ZNF98: variants seen among roughly 807,000 people sequenced by gnomAD.
ZNF98 encodes zinc finger protein 98, also known as zinc finger protein 739.
ZNF98 carries 8 observed loss-of-function variants against 12.8 expected under a neutral mutation model. The observed-to-expected ratio is 0.63, with a 90% confidence interval of 0.37 to 1.13. ZNF98 has a LOEUF of 1.13. ZNF98 is among the 50% of genes most tolerant of loss of function. The pLI, the probability that ZNF98 is intolerant of heterozygous loss-of-function variation, is 0.01. For synonymous variants in ZNF98, 112 were observed against 223.5 expected (o/e 0.50, Z 4.45); for missense variants, 379 against 666.1 (o/e 0.57, Z 4.74).
chr19:22,397,126 A>C (rs2145109467), intron 3 of ZNF98, among the ~76,000 whole-genome samples: 1 of 57,584 alleles, frequency 1.7e-5, no homozygotes, highest in African/African-American at 3.4e-5. Context: ...CTCAAAAAAA[A>C]ACAACAAAAA....
chr19:22,407,079 C>T (rs949674178), intron 1 of ZNF98, among the ~76,000 whole-genome samples: 1 of 151,204 alleles, frequency 6.6e-6, no homozygotes, highest in African/African-American at 2.4e-5. Context: ...ACCAGTTAGA[C>T]AGAGTCTCAC....
intron 1 of ZNF98, among the ~76,000 whole-genome samples, chr19:22,418,392 A>G (rs1371629023): frequency 6.6e-6 from 1 of 152,242 alleles, no homozygotes; most frequent in African/African-American, 2.4e-5. Context: ...AAGAAAAAAA[A>G]TGGGGAAAGA....
intron 3 of ZNF98, among the ~76,000 whole-genome samples, chr19:22,396,809 CA>C (rs1217194723): frequency 6.6e-6 from 1 of 152,004 alleles, no homozygotes; most frequent in South Asian, 2.1e-4. Context: ...TCCAAGGAGA[CA>C]AAAAAGGACA....
At chr19:22,418,303 C>T (rs1025860846) in intron 1 of ZNF98, among the ~76,000 whole-genome samples, 1 of 151,884 alleles carries the variant, frequency 6.6e-6, no homozygotes, top group Non-Finnish European at 1.5e-5. Flanking sequence ...CAGAACTCAG[C>T]AAAACACTGT....
At chr19:22,393,943 A>C (rs1030906668) in intron 3 of ZNF98, among the ~76,000 whole-genome samples, 3 of 151,694 alleles carry the variant, frequency 2.0e-5, no homozygotes, top group Non-Finnish European at 2.9e-5. Context: ...CCATCTGACA[A>C]AGGGCAAACA....
chr19:22,394,742 T>C (rs1969370675), intron 3 of ZNF98, among the ~76,000 whole-genome samples: 2 of 152,054 alleles, frequency 1.3e-5, no homozygotes, highest in African/African-American at 2.4e-5. Context: ...TGTATACCTA[T>C]GTAACATAAC....
In ZNF98 at chr19:22,408,529, T is replaced by A. The variant is rs138802399; in HGVS notation, c.31-5017A>T. ...TCTCTGTTTGCAGATGACATTATTC[T>A]ATATTTAGAAAATTCTGTCATCTCA... On this transcript the variant is annotated intron_variant, in intron 1 of 3. Transcript: ENST00000357774. Among the ~76,000 whole-genome samples the A allele has an allele frequency of 1.9e-3, 283 of 152,324 alleles. 1 individual carries two copies. The highest frequency in any genetic ancestry group is 6.5e-3 in the African/African-American group (272 of 41,558).
At chr19:22,393,732 C>T (rs11673476) in intron 3 of ZNF98, among the ~76,000 whole-genome samples, 1 of 152,024 alleles carries the variant, frequency 6.6e-6, no homozygotes, top group Non-Finnish European at 1.5e-5. Flanking sequence ...CATAAAAACC[C>T]TAGAGGAAAA....
chr19:22,415,927 T>C (rs1167178950), intron 1 of ZNF98, among the ~76,000 whole-genome samples: 70 of 109,788 alleles, frequency 6.4e-4, no homozygotes, highest in Non-Finnish European at 1.1e-3. Flanking sequence ...ACCCCGTTCC[T>C]ACTTAAAAAA....
At chr19:22,422,064 T>C (rs1969710473) in intron 1 of ZNF98, 131 bp downstream of exon 1, 2 of 1,194,002 alleles carry the variant, frequency 1.7e-6, no homozygotes, top group African/African-American at 1.5e-5. Flanking sequence ...GAGGCCGAGC[T>C]AGGCAAGGAG....
chr19:22,408,780 TAA>T (rs1194829073), intron 1 of ZNF98, among the ~76,000 whole-genome samples: 1 of 152,132 alleles, frequency 6.6e-6, no homozygotes, highest in African/African-American at 2.4e-5. Context: ...CTCAAGGAAG[TAA>T]GAGAGCACAC....
At chr19:22,417,570 T>G (rs1281628803) in intron 1 of ZNF98, among the ~76,000 whole-genome samples, 1 of 152,062 alleles carries the variant, frequency 6.6e-6, no homozygotes, top group East Asian at 1.9e-4. Flanking sequence ...AGAGGTATAC[T>G]CTGATGGATT....
chr19:22,392,984 G>C lies in ZNF98; in HGVS notation c.254-3C>G, dbSNP rs764719943. 1 of 1,489,224 alleles carries C rather than the reference G, an allele frequency of 6.7e-7. No individual in the cohort carries two copies. Among genetic ancestry groups the C allele is most frequent in the East Asian group, 2.3e-5 (1 of 43,174 alleles). 92.3% of individuals were successfully genotyped at this position (1,489,224 alleles called of 1,614,324 possible). A position where few individuals can be genotyped will look rare whatever the true frequency, so the allele number is the denominator to read the frequency against. On this transcript the variant is annotated splice_region_variant and splice_polypyrimidine_tract_variant and intron_variant, in intron 3 of 3. Transcript: ENST00000357774. ...TTGGGCAAAATAAGAATATACAACT[G>C]AAAGAAATAAAAATAATAAATTACT...
chr19:22,394,293 C>T (rs1273183273), intron 3 of ZNF98, among the ~76,000 whole-genome samples: 3 of 149,764 alleles, frequency 2.0e-5, no homozygotes, highest in African/African-American at 7.4e-5. Flanking sequence ...CCTCAAGGAT[C>T]TAGAACTAGA....
chr19:22,416,461 T>G (rs1400170194), intron 1 of ZNF98, among the ~76,000 whole-genome samples: 2 of 147,220 alleles, frequency 1.4e-5, no homozygotes, highest in Admixed American at 1.4e-4. Context: ...AGAGCAAGAC[T>G]CCGTCTCAAC....
chr19:22,391,712 T>C lies in ZNF98; in HGVS notation c.1523A>G (p.His508Arg), dbSNP rs1969324550. ...TTTCTCTCCAGTATGAATCATCTTATGTGTAGTAAGGTGTGAGGACTGGTT... is the reference window on the plus strand; with the variant it reads ...TTTCTCTCCAGTATGAATCATCTTACGTGTAGTAAGGTGTGAGGACTGGTT... ...AFNQSSHLTT[H>R]KMIHTGEKPY... The change falls in exon 4 of 4, where the codon CAT (histidine) becomes CGT (arginine). Residue 508 changes from histidine (H) to arginine (R), a missense_variant. Transcript: ENST00000357774. 6.2e-7 allele frequency: 1 copy of C among 1,613,990 alleles called. No homozygotes were observed. Among genetic ancestry groups the C allele is most frequent in the South Asian group, 1.1e-5 (1 of 91,080 alleles).
At chr19:22,413,327 G>C (rs1033838562) in intron 1 of ZNF98, among the ~76,000 whole-genome samples, 1 of 152,058 alleles carries the variant, frequency 6.6e-6, no homozygotes, top group Non-Finnish European at 1.5e-5. Context: ...ACATAATGCC[G>C]TACCTGAAAA....
At chr19:22,413,869 C>CA (rs57148885) in intron 1 of ZNF98, among the ~76,000 whole-genome samples, 13,065 of 43,040 alleles carry the variant, frequency 0.3, 2,073 homozygotes, top group Non-Finnish European at 0.38. Flanking sequence ...AACTCCGTCT[C>CA]AAAAAAAAAA....
At chr19:22,413,396 T>C (rs2145120581) in intron 1 of ZNF98, among the ~76,000 whole-genome samples, 1 of 152,266 alleles carries the variant, frequency 6.6e-6, no homozygotes, top group Non-Finnish European at 1.5e-5. Context: ...AATTTCAGAA[T>C]ACAAAATAAA....
Sources: allele counts gnomAD v4.1 joint callset (sites outside exome capture counted in the v4.1 genomes callset), GRCh38; gene constraint gnomAD v4.1.1; transcripts MANE v1.5; gene names NCBI Gene and HGNC (gene_info 2026-07-23, HGNC 2026-07-21).